Variants in SPOCK3 observed in about 807,000 individuals in gnomAD.
The protein encoded by SPOCK3 is testican-3.
A neutral mutation model predicts 56.6 loss-of-function variants in SPOCK3; 30 were observed. The observed-to-expected ratio is 0.53, with a 90% CI of 0.40 to 0.72. The LOEUF (loss-of-function observed/expected upper bound fraction) is 0.72, where lower values mean the gene tolerates loss of function less well. Among genes scored for constraint, SPOCK3 ranks in the 30% least tolerant of loss-of-function variants. The pLI, the probability that SPOCK3 is intolerant of heterozygous loss-of-function variation, is 0.00. For missense variants in SPOCK3, 527 were observed against 530.0 expected, an observed-to-expected ratio of 0.99 and a Z score of 0.06; for synonymous variants, 196 against 183.3, an observed-to-expected ratio of 1.07 and a Z score of -0.56.
chr4:167,027,281 T>C (rs1256504843), intron 3 of SPOCK3, among the ~76,000 whole-genome samples: 3 of 152,148 alleles, frequency 2.0e-5, no homozygotes, highest in East Asian at 3.9e-4. Flanking sequence ...TTCTGTTTCA[T>C]GTTTGCACTT....
chr4:166,841,461 C>T (rs1211311042), intron 6 of SPOCK3, among the ~76,000 whole-genome samples: 3 of 152,120 alleles, frequency 2.0e-5, no homozygotes, highest in Non-Finnish European at 2.9e-5. Flanking sequence ...GATTATTTTA[C>T]ATTATGCACT....
At chr4:166,831,406 G>A (rs756104516) in intron 6 of SPOCK3, among the ~76,000 whole-genome samples, 12 of 151,882 alleles carry the variant, frequency 7.9e-5, no homozygotes, top group Non-Finnish European at 1.2e-4. Flanking sequence ...AAGATATCTG[G>A]GTCTGGAGTT....
chr4:167,220,367 T>A (rs1197419466), intron 2 of SPOCK3, among the ~76,000 whole-genome samples: 4 of 140,216 alleles, frequency 2.9e-5, no homozygotes, highest in Non-Finnish European at 6.0e-5. Context: ...AAACAACAGA[T>A]ACTGTAAGAA....
At chr4:167,026,909 T>G (rs888958258) in intron 3 of SPOCK3, among the ~76,000 whole-genome samples, 20 of 151,146 alleles carry the variant, frequency 1.3e-4, no homozygotes, top group Non-Finnish European at 4.4e-5. Flanking sequence ...TTGAGGTGAC[T>G]GAAGAGGATC....
At chr4:167,164,314 T>C (rs1765572738) in intron 2 of SPOCK3, among the ~76,000 whole-genome samples, 1 of 152,178 alleles carries the variant, frequency 6.6e-6, no homozygotes, top group Admixed American at 6.6e-5. Flanking sequence ...GTGATTATAT[T>C]ACTCTGAAAT....
intron 2 of SPOCK3, among the ~76,000 whole-genome samples, chr4:167,167,770 T>A (rs977434343): frequency 1.3e-5 from 2 of 152,138 alleles, no homozygotes; most frequent in Non-Finnish European, 2.9e-5. Context: ...TATTAATAAA[T>A]ATGTTACTGC....
intron 5 of SPOCK3, among the ~76,000 whole-genome samples, chr4:166,909,045 A>C (rs1736956645): frequency 2.0e-5 from 3 of 152,146 alleles, no homozygotes; most frequent in Admixed American, 1.3e-4. Flanking sequence ...TTCTAAAGAA[A>C]GTAAATAATT....
intron 5 of SPOCK3, among the ~76,000 whole-genome samples, chr4:166,910,444 C>A (rs62354111): frequency 3.2e-3 from 480 of 152,130 alleles, no homozygotes; most frequent in Non-Finnish European, 4.5e-3. Context: ...GTGTGCCTCA[C>A]GCCCAAGGAG....
chr4:166,884,270 G>A (rs1422108581), intron 6 of SPOCK3, among the ~76,000 whole-genome samples: 2 of 151,632 alleles, frequency 1.3e-5, no homozygotes, highest in African/African-American at 4.8e-5. Context: ...GGAGGATGGC[G>A]TGAACCCGGG....
intron 4 of SPOCK3, among the ~76,000 whole-genome samples, chr4:166,940,611 TA>T (rs1217800149): frequency 6.6e-6 from 1 of 151,336 alleles, no homozygotes; most frequent in Non-Finnish European, 1.5e-5. Context: ...ATTGTAATAA[TA>T]AAAAACCCCT....
chr4:167,128,688 C>T (rs892463006), intron 2 of SPOCK3, among the ~76,000 whole-genome samples: 9 of 152,156 alleles, frequency 5.9e-5, no homozygotes, highest in Non-Finnish European at 1.0e-4. Context: ...TTTCGTGATA[C>T]CTGCCACCAC....
chr4:167,119,802 G>A, intron 2 of SPOCK3: 3 of 1,533,640 alleles, frequency 2.0e-6, no homozygotes, highest in African/African-American at 1.4e-5. Context: ...ACCTGACTGA[G>A]CCCAGAAGAC....
At chr4:167,205,317 TATATATATA>T (rs1734013465) in intron 2 of SPOCK3, among the ~76,000 whole-genome samples, 3 of 51,198 alleles carry the variant, frequency 5.9e-5, no homozygotes, top group African/African-American at 2.6e-4. Context: ...TTATATATTT[TATATATATA>T]ATATATATTA....
chr4:167,171,954 G>A (rs979824556), intron 2 of SPOCK3, among the ~76,000 whole-genome samples: 2 of 151,920 alleles, frequency 1.3e-5, no homozygotes, highest in East Asian at 1.9e-4. Flanking sequence ...CTGAAGTACA[G>A]GAACAGGACT....
chr4:167,099,483 A>G (rs1270176294), intron 2 of SPOCK3, among the ~76,000 whole-genome samples: 1 of 152,002 alleles, frequency 6.6e-6, no homozygotes, highest in Non-Finnish European at 1.5e-5. Flanking sequence ...GGTACGTGAA[A>G]TTTAATACCT....
At chr4:167,189,991 A>G (rs991554232) in intron 2 of SPOCK3, among the ~76,000 whole-genome samples, 2 of 146,040 alleles carry the variant, frequency 1.4e-5, no homozygotes, top group African/African-American at 5.2e-5. Context: ...ATAATATTCC[A>G]TTGTACATAT....
chr4:167,153,934 G>T (rs913560155), intron 2 of SPOCK3, among the ~76,000 whole-genome samples: 3 of 151,584 alleles, frequency 2.0e-5, no homozygotes, highest in African/African-American at 7.3e-5. Context: ...CACTGTCAGA[G>T]CCTTCCTTTC....
intron 2 of SPOCK3, among the ~76,000 whole-genome samples, chr4:167,097,530 C>A (rs1394471782): frequency 6.6e-6 from 1 of 151,776 alleles, no homozygotes; most frequent in African/African-American, 2.4e-5. Flanking sequence ...CTATCTGCCA[C>A]CTTACAATTA....
intron 6 of SPOCK3, among the ~76,000 whole-genome samples, chr4:166,840,492 T>C (rs892109493): frequency 6.6e-6 from 1 of 152,216 alleles, no homozygotes; most frequent in Non-Finnish European, 1.5e-5. Flanking sequence ...TTTCTGTTTG[T>C]TTATCTGTGC....
Sources: gnomAD v4.1 joint callset for allele counts (sites outside exome capture counted in the v4.1 genomes callset) on GRCh38, gnomAD v4.1.1 for gene constraint, MANE v1.5 for transcripts, NCBI Gene and HGNC (gene_info 2026-07-23, HGNC 2026-07-21) for gene names.